The following OGFOD1 variants were observed in gnomAD, a reference collection of about 807,000 sequenced individuals.
The protein encoded by OGFOD1 is 2-oxoglutarate and iron dependent oxygenase domain containing 1.
Under a neutral mutation model 67.7 loss-of-function variants are expected in OGFOD1, and 54 were observed. The observed-to-expected ratio is 0.80, with a 90% CI of 0.64 to 1.00. The LOEUF (loss-of-function observed/expected upper bound fraction) is 1.00, where lower values mean the gene tolerates loss of function less well. Among genes scored for constraint, OGFOD1 ranks in the 50% least tolerant of loss-of-function variants. The pLI is 0.00. For synonymous variants in OGFOD1, 221 were observed against 227.0 expected, an observed-to-expected ratio of 0.97 and a Z score of 0.24; for missense variants, 606 against 646.7, an observed-to-expected ratio of 0.94 and a Z score of 0.68.
intron 4 of OGFOD1, among the ~76,000 whole-genome samples, chr16:56,463,087 T>A (rs1156389471): frequency 6.6e-6 from 1 of 152,196 alleles, no homozygotes; most frequent in Non-Finnish European, 1.5e-5. Flanking sequence ...CTTCTTCACC[T>A]TCTCCCTGCT....
At chr16:56,466,030 G>A in intron 4 of OGFOD1, 122 bp from the exon 5 acceptor site, 2 of 667,760 alleles carry the variant, frequency 3.0e-6, no homozygotes, top group South Asian at 3.7e-5. Context: ...TAAAGCTGGA[G>A]GACATTTAAA....
Position 56,451,657 on chromosome 16 carries a change from A to G in OGFOD1, c.45A>G (p.Gly15=). ...RPAEPGPARV[G]KKGKKEVMAE... Reference sequence around the variant, plus strand: ...CGGAGCCCGGCCCAGCCCGGGTGGGAAAAAAGGGAAAGAAGGAGGTGATGG... The same window carrying G: ...CGGAGCCCGGCCCAGCCCGGGTGGGGAAAAAGGGAAAGAAGGAGGTGATGG... The change falls in exon 1 of 13, where the codon GGA becomes GGG. Residue 15 remains glycine (G), a synonymous_variant. Coordinates refer to ENST00000566157, the MANE Select transcript of OGFOD1 (RefSeq NM_018233.4). The G allele has an allele frequency of 6.2e-7, 1 of 1,613,532 alleles. No individual in the cohort carries two copies. Among genetic ancestry groups the G allele is most frequent in the South Asian group, 1.1e-5 (1 of 91,054 alleles).
In OGFOD1 at chr16:56,468,029, C is replaced by G. The variant is rs1447484584; in HGVS notation, c.900+11C>G. The G allele has an allele frequency of 3.0e-6, 4 of 1,349,622 alleles. No individual in the cohort carries two copies. Among genetic ancestry groups the G allele is most frequent in the Non-Finnish European group, 4.3e-6 (4 of 939,424 alleles). The allele number at this position is 1,349,622 out of a possible 1,614,324, so 83.6% of individuals were successfully genotyped here. On this transcript the variant is annotated intron_variant, in intron 8 of 12. Transcript: ENST00000566157. Reference sequence around the variant, plus strand: ...AAGGAGTTTCTTAAGGTAAGCTTAGCGTATGTTGTTCTGAATATTTTGTTT... The same window carrying G: ...AAGGAGTTTCTTAAGGTAAGCTTAGGGTATGTTGTTCTGAATATTTTGTTT...
chr16:56,473,582 A>C (rs1195401516), intron 10 of OGFOD1, among the ~76,000 whole-genome samples: 1 of 152,156 alleles, frequency 6.6e-6, no homozygotes, highest in Admixed American at 6.5e-5. Flanking sequence ...TGATGTTTTC[A>C]TTCTTCCTAG....
At position 56,470,501 on chromosome 16, in the gene OGFOD1, C is replaced by T. The variant is rs1963115395; in HGVS notation, c.995C>T (p.Ala332Val). The T allele has an allele frequency of 1.9e-6, 3 of 1,609,192 alleles. No individual in the cohort carries two copies. The highest frequency in any genetic ancestry group is 2.5e-6 in the Non-Finnish European group (3 of 1,178,196). Residue 332 changes from alanine (A) to valine (V), a missense_variant, in exon 10 of 13, where the codon GCT becomes GTT. By Grantham distance (64) the Ala-to-Val change is moderately conservative. Transcript: ENST00000566157. ...CTGTTTTTCAGGTTTTATGAGAAAG[C>T]TGAGGAGAGTAAGCTTCCTGAGATA... Reference protein sequence around the residue: ...GPPNKRFYEKAEESKLPEILK... With the variant: ...GPPNKRFYEKVEESKLPEILK...
At chr16:56,461,986 G>A (rs1196022747) in intron 3 of OGFOD1, among the ~76,000 whole-genome samples, 3 of 151,796 alleles carry the variant, frequency 2.0e-5, no homozygotes, top group Non-Finnish European at 2.9e-5. Context: ...CCAGCTACTC[G>A]GGAGACTGAG....
At position 56,467,166 on chromosome 16, in the gene OGFOD1, T is replaced by C; in HGVS notation, c.659T>C (p.Val220Ala). Residue 220 changes from valine (V) to alanine (A), a missense_variant and splice_region_variant, in exon 7 of 13, where the codon GTG becomes GCG. Coordinates refer to ENST00000566157, the MANE Select transcript of OGFOD1 (RefSeq NM_018233.4). ...FEVSPVSFHQ[V>A]SEVLSEEKSR... ...GTGCTACTGGGCTTCTCCTTTCAGG[T>C]GTCTGAAGTGCTGTCTGAAGAAAAG... The C allele has an allele frequency of 6.2e-7, 1 of 1,614,118 alleles. No homozygotes were observed. The highest frequency in any genetic ancestry group is 1.7e-5 in the Admixed American group (1 of 60,012).
chr16:56,454,866 A>T (rs993839084), intron 2 of OGFOD1: 5 of 374,652 alleles, frequency 1.3e-5, no homozygotes, highest in African/African-American at 1.1e-4. Flanking sequence ...GGATAAATAC[A>T]TGAAAGATAT....
chr16:56,475,396 C>T, intron 11 of OGFOD1, 111 bp from the exon 12 acceptor site: 1 of 966,310 alleles, frequency 1.0e-6, no homozygotes, highest in Non-Finnish European at 1.7e-6. Flanking sequence ...CCAGTTACTG[C>T]TGAACTCCCA....
intron 8 of OGFOD1, among the ~76,000 whole-genome samples, chr16:56,469,074 C>A (rs1463472610): frequency 6.6e-6 from 1 of 152,156 alleles, no homozygotes; most frequent in African/African-American, 2.4e-5. Flanking sequence ...AAACTGAATA[C>A]CCTATTCAAT....
intron 10 of OGFOD1, among the ~76,000 whole-genome samples, chr16:56,474,370 G>A (rs1963354623): frequency 6.7e-6 from 1 of 148,864 alleles, no homozygotes; most frequent in African/African-American, 2.5e-5. Flanking sequence ...GCCCAGGCTG[G>A]AGTGTAATGG....
Position 56,470,502 on chromosome 16 carries a change from TGAG to T in OGFOD1, c.1000_1002del (p.Glu334del). The T allele has an allele frequency of 6.2e-7, 1 of 1,610,006 alleles. No homozygotes were observed. The highest frequency in any genetic ancestry group is 8.5e-7 in the Non-Finnish European group (1 of 1,178,528). On this transcript the variant is annotated inframe_deletion, in exon 10 of 13. Coordinates refer to ENST00000566157, the MANE Select transcript of OGFOD1 (RefSeq NM_018233.4). Reference sequence around the variant, plus strand: ...TGTTTTTCAGGTTTTATGAGAAAGCTGAGGAGAGTAAGCTTCCTGAGATATTGA... The same window carrying T: ...TGTTTTTCAGGTTTTATGAGAAAGCTGAGAGTAAGCTTCCTGAGATATTGA...
At position 56,467,190 on chromosome 16, in the gene OGFOD1, A is replaced by T; in HGVS notation, c.683A>T (p.Lys228Met). The change falls in exon 7 of 13, where the codon AAG (lysine) becomes ATG (methionine). Residue 228 changes from lysine (K) to methionine (M), a missense_variant. Physicochemically the swap from Lys to Met is moderately conservative, Grantham distance 95. Coordinates refer to ENST00000566157, the MANE Select transcript of OGFOD1 (RefSeq NM_018233.4). ...GTGTCTGAAGTGCTGTCTGAAGAAA[A>T]GTCACGTTTGTCTATAAGTGGCTGG... is the stretch of plus-strand genomic sequence containing the variant. ...HQVSEVLSEE[K>M]SRLSISGWFH... 6.2e-7 allele frequency: 1 copy of T among 1,614,122 alleles called. No individual in the cohort carries two copies. The highest frequency in any genetic ancestry group is 8.5e-7 in the Non-Finnish European group (1 of 1,180,034).
At chr16:56,465,353 A>G (rs952850228) in intron 4 of OGFOD1, among the ~76,000 whole-genome samples, 110 of 152,328 alleles carry the variant, frequency 7.2e-4, no homozygotes, top group African/African-American at 2.6e-3. Flanking sequence ...CTGAATTCCC[A>G]TTGATTCCTC....
chr16:56,460,386 T>C (rs1962674941), intron 3 of OGFOD1, among the ~76,000 whole-genome samples: 1 of 152,248 alleles, frequency 6.6e-6, no homozygotes, highest in African/African-American at 2.4e-5. Context: ...ATAGAATGAA[T>C]AGAAGAGCTT....
At chr16:56,451,865 A>T in intron 1 of OGFOD1, 99 bp downstream of exon 1, 1 of 1,384,348 alleles carries the variant, frequency 7.2e-7, no homozygotes. Context: ...CGGGGCCGCA[A>T]GGGAAGAGGC....
At chr16:56,461,982 A>G (rs1962725954) in intron 3 of OGFOD1, among the ~76,000 whole-genome samples, 1 of 151,890 alleles carries the variant, frequency 6.6e-6, no homozygotes, top group African/African-American at 2.4e-5. Context: ...AGTCCCAGCT[A>G]CTCGGGAGAC....
At chr16:56,454,864 A>T (rs763381293) in intron 2 of OGFOD1, 177 of 384,228 alleles carry the variant, frequency 4.6e-4, no homozygotes, top group Non-Finnish European at 7.2e-4. Context: ...CAGGATAAAT[A>T]CATGAAAGAT....
intron 2 of OGFOD1, among the ~76,000 whole-genome samples, chr16:56,455,431 A>C (rs12448738): frequency 0.17 from 25,573 of 150,686 alleles, 2,335 homozygotes; most frequent in African/African-American, 0.24. Flanking sequence ...GGGTGATTGA[A>C]AAAAAAAAAG....
Sources: allele counts gnomAD v4.1 joint callset (sites outside exome capture counted in the v4.1 genomes callset), GRCh38; gene constraint gnomAD v4.1.1; transcripts MANE v1.5; gene names NCBI Gene and HGNC (gene_info 2026-07-23, HGNC 2026-07-21).